Variants in ARNT2 observed in about 807,000 individuals in gnomAD.
ARNT2 encodes the protein ARNT protein 2.
A neutral mutation model predicts 91.7 loss-of-function variants in ARNT2; 36 were observed. That is an observed-to-expected ratio of 0.39 (90% CI 0.30 to 0.52). The LOEUF (loss-of-function observed/expected upper bound fraction) is 0.52, where lower values mean the gene tolerates loss of function less well. ARNT2 is among the 20% of genes least tolerant of loss of function. The pLI, the probability that ARNT2 is intolerant of heterozygous loss-of-function variation, is 0.72. For synonymous variants in ARNT2, 365 were observed against 347.1 expected, an observed-to-expected ratio of 1.05 and a Z score of -0.57; for missense variants, 775 against 939.3, an observed-to-expected ratio of 0.83 and a Z score of 2.29.
At chr15:80,456,502 C>A (rs1178025702) in intron 2 of ARNT2, among the ~76,000 whole-genome samples, 1 of 152,126 alleles carries the variant, frequency 6.6e-6, no homozygotes, top group Non-Finnish European at 1.5e-5. Context: ...CTACGCAGTA[C>A]ATAAAACAAA....
intron 1 of ARNT2, among the ~76,000 whole-genome samples, chr15:80,420,896 G>C (rs1895851451): frequency 6.6e-6 from 1 of 152,160 alleles, no homozygotes; most frequent in African/African-American, 2.4e-5. Flanking sequence ...AGGTTTGGCA[G>C]TTACTGAGTA....
chr15:80,410,218 G>T (rs1391432432), intron 1 of ARNT2, among the ~76,000 whole-genome samples: 2 of 152,170 alleles, frequency 1.3e-5, no homozygotes, highest in Non-Finnish European at 1.5e-5. Flanking sequence ...TGGGGGCAGG[G>T]ATGCCATGCT....
intron 8 of ARNT2, among the ~76,000 whole-genome samples, chr15:80,533,032 G>C (rs1290587090): frequency 6.6e-6 from 1 of 152,200 alleles, no homozygotes; most frequent in African/African-American, 2.4e-5. Context: ...CAGAAGCACT[G>C]TGTGGAGGCA....
chr15:80,577,786 A>G (rs113457593), intron 15 of ARNT2, among the ~76,000 whole-genome samples: 1 of 152,136 alleles, frequency 6.6e-6, no homozygotes, highest in Non-Finnish European at 1.5e-5. Context: ...TTGCTTCCAC[A>G]CTGGTTCAAG....
At chr15:80,483,302 T>G (rs997954796) in intron 5 of ARNT2, among the ~76,000 whole-genome samples, 1 of 95,244 alleles carries the variant, frequency 1.0e-5, no homozygotes, top group Non-Finnish European at 3.1e-5. Context: ...TAGCAAATAG[T>G]GATTGTGCTG....
intron 6 of ARNT2, among the ~76,000 whole-genome samples, chr15:80,511,265 T>C (rs1897336378): frequency 6.6e-6 from 1 of 152,040 alleles, no homozygotes; most frequent in Admixed American, 6.5e-5. Context: ...TGTTAGCGAA[T>C]TAACACAGGA....
intron 2 of ARNT2, among the ~76,000 whole-genome samples, chr15:80,453,415 G>A (rs776252681): frequency 6.6e-6 from 1 of 152,176 alleles, no homozygotes; most frequent in African/African-American, 2.4e-5. Context: ...CACTTGCCAA[G>A]CCTCAATGGC....
chr15:80,503,784 T>C (rs1307650241), intron 5 of ARNT2, among the ~76,000 whole-genome samples: 2 of 152,200 alleles, frequency 1.3e-5, no homozygotes, highest in African/African-American at 2.4e-5. Flanking sequence ...GCACACTGAG[T>C]CAAACCATTC....
At position 80,581,356 on chromosome 15, in the gene ARNT2, C is replaced by T; in HGVS notation, c.1870C>T (p.Pro624Ser). The T allele has an allele frequency of 2.5e-6, 4 of 1,614,196 alleles. No homozygotes were observed. In the African/African-American group the frequency reaches 4.0e-5, roughly 16 times the overall value. The change falls in exon 17 of 19, where the codon CCA (proline) becomes TCA (serine). Residue 624 changes from proline (P) to serine (S), a missense_variant. This residue lies in a region of ARNT2 where 325 missense variants were observed against 359.9 expected (regional missense o/e 0.90). Transcript: ENST00000303329. ...SPLSSPATSS[P>S]SGNAYSSLAN... is the part of the protein sequence containing the mutation. ...CCTCTCCAGCCCAGCTACCTCCTCG[C>T]CAAGTGGGAATGCCTACTCCAGTCT... is the stretch of plus-strand genomic sequence containing the variant.
At chr15:80,538,141 T>C (rs1047336594) in intron 8 of ARNT2, among the ~76,000 whole-genome samples, 1 of 152,308 alleles carries the variant, frequency 6.6e-6, no homozygotes, top group East Asian at 1.9e-4. Flanking sequence ...TTTTATAATA[T>C]TTAAATATAT....
intron 2 of ARNT2, among the ~76,000 whole-genome samples, chr15:80,453,248 G>A (rs1237673956): frequency 6.6e-6 from 1 of 152,196 alleles, no homozygotes; most frequent in African/African-American, 2.4e-5. Flanking sequence ...GAGGAAGGAG[G>A]ATGAGCAGCA....
At chr15:80,440,127 G>T (rs973031836) in intron 1 of ARNT2, among the ~76,000 whole-genome samples, 2 of 152,162 alleles carry the variant, frequency 1.3e-5, no homozygotes, top group Non-Finnish European at 2.9e-5. Flanking sequence ...TTCACTGACG[G>T]ACACCAATCC....
At chr15:80,574,427 C>T (rs1424199899) in intron 13 of ARNT2, among the ~76,000 whole-genome samples, 2 of 152,186 alleles carry the variant, frequency 1.3e-5, no homozygotes, top group Admixed American at 1.3e-4. Context: ...TGTGTGAGTA[C>T]CAGGTGAAGA....
chr15:80,421,381 C>CT (rs1197103057), intron 1 of ARNT2, among the ~76,000 whole-genome samples: 3 of 112,374 alleles, frequency 2.7e-5, no homozygotes, highest in Non-Finnish European at 5.1e-5. Context: ...AGTTGTACCC[C>CT]TAAAGCTATT....
At chr15:80,539,499 G>A (rs1386369542) in intron 8 of ARNT2, among the ~76,000 whole-genome samples, 2 of 152,098 alleles carry the variant, frequency 1.3e-5, no homozygotes, top group Admixed American at 6.6e-5. Flanking sequence ...CTTATGCAGA[G>A]TGATTAAATA....
chr15:80,587,933 T>C (rs1417874812), intron 17 of ARNT2, among the ~76,000 whole-genome samples: 1 of 152,224 alleles, frequency 6.6e-6, no homozygotes, highest in East Asian at 1.9e-4. Flanking sequence ...AGGATCTTCA[T>C]GCCAACATCC....
intron 1 of ARNT2, chr15:80,442,859 G>A (rs1402480019): frequency 1.0e-6 from 1 of 985,306 alleles, no homozygotes; most frequent in East Asian, 1.1e-4. Context: ...AGGTGACCAA[G>A]GTTTTTTAGA....
At chr15:80,433,242 A>ATTTTATTTTATTTTATTTTAT (rs1567178260) in intron 1 of ARNT2, among the ~76,000 whole-genome samples, 124 of 62,566 alleles carry the variant, frequency 2.0e-3, no homozygotes, top group East Asian at 0.01. Context: ...TATTTATTTT[A>ATTTTATTTTATTTTATTTTAT]TTTTATTTTA....
At chr15:80,483,867 A>G (rs1208624121) in intron 5 of ARNT2, among the ~76,000 whole-genome samples, 1 of 152,192 alleles carries the variant, frequency 6.6e-6, no homozygotes, top group Non-Finnish European at 1.5e-5. Context: ...ACACTTTGCA[A>G]AAGAGGGCAA....
Sources: allele counts gnomAD v4.1 joint callset (sites outside exome capture counted in the v4.1 genomes callset), GRCh38; gene constraint gnomAD v4.1.1; regional missense constraint gnomAD v4.1.1; transcripts MANE v1.5; gene names NCBI Gene and HGNC (gene_info 2026-07-23, HGNC 2026-07-21).